The following SPTA1 variants were observed in gnomAD, a reference collection of about 807,000 sequenced individuals.
SPTA1 encodes spectrin alpha chain, erythrocytic 1.
Under a neutral mutation model 324.7 loss-of-function variants are expected in SPTA1, and 177 were observed. The observed-to-expected ratio is 0.55, with a 90% CI of 0.48 to 0.62. The LOEUF is 0.62. Among genes scored for constraint, SPTA1 ranks in the 20% least tolerant of loss-of-function variants. The probability of loss-of-function intolerance (pLI) is 0.00; values close to 1 mark genes in which losing one functional copy is unlikely to be tolerated. For missense variants in SPTA1, 3,162 were observed against 2,883.6 expected (o/e 1.10, Z -2.21); for synonymous variants, 1,195 against 1,041.3 (o/e 1.15, Z -2.84).
chr1:158,611,081 T>C lies in SPTA1; in HGVS notation c.*183A>G. 1 of 813,056 alleles carries C rather than the reference T, an allele frequency of 1.2e-6. No individual in the cohort carries two copies. The highest frequency in any genetic ancestry group is 1.7e-5 in the African/African-American group (1 of 58,298). The allele number at this position is 813,056 out of a possible 1,614,324, so 50.4% of individuals were successfully genotyped here. ...CTATTAACCTTTCTATCTCCCACCC[T>C]TGAGATTTTTTAAGATCCTACAATA... is the stretch of plus-strand genomic sequence containing the variant. On this transcript the variant is annotated 3_prime_UTR_variant, in exon 52 of 52. Coordinates refer to ENST00000643759, the MANE Select transcript of SPTA1 (RefSeq NM_003126.4).
At chr1:158,651,735 G>T (rs1182172423) in intron 23 of SPTA1, among the ~76,000 whole-genome samples, 1 of 152,064 alleles carries the variant, frequency 6.6e-6, no homozygotes, top group Non-Finnish European at 1.5e-5. Context: ...ATCTCCCCTG[G>T]ATTAAATTAT....
In SPTA1 at chr1:158,620,452, G is replaced by T; in HGVS notation, c.6135C>A (p.Phe2045Leu). 1 of 1,612,800 alleles carries T rather than the reference G, an allele frequency of 6.2e-7. No homozygotes were observed. Among genetic ancestry groups the T allele is most frequent in the African/African-American group, 1.3e-5 (1 of 74,946 alleles). ...CTGAAGCCTTATGTGCAAATTCCACGAACAGGTCCTCAGCCTGCAGAGAGA... is the reference window on the plus strand; with the variant it reads ...CTGAAGCCTTATGTGCAAATTCCACTAACAGGTCCTCAGCCTGCAGAGAGA... ...QLPLQKAEDL[F>L]VEFAHKASAL... Residue 2045 changes from phenylalanine to leucine, a missense_variant, in exon 44 of 52, where the codon TTC becomes TTA. Phe to Leu is a conservative substitution (Grantham distance 22). Transcript: ENST00000643759.
chr1:158,613,658 C>G (rs1649384143), intron 50 of SPTA1, 63 bp downstream of exon 50: 1 of 1,607,046 alleles, frequency 6.2e-7, no homozygotes, highest in Non-Finnish European at 8.5e-7. Context: ...TCATTTTACT[C>G]TCTGTGCTTC....
Position 158,611,382 on chromosome 1 carries a change from G to C in SPTA1, c.7142C>G (p.Thr2381Ser), listed in dbSNP as rs575868219. 10 of 1,613,620 alleles carry C rather than the reference G, an allele frequency of 6.2e-6. No homozygotes were observed. Among genetic ancestry groups the C allele is most frequent in the Non-Finnish European group, 7.6e-6 (9 of 1,179,648 alleles). The change falls in exon 52 of 52, where the codon ACC (threonine) becomes AGC (serine). Residue 2381 changes from threonine to serine, a missense_variant. Thr to Ser is a moderately conservative substitution (Grantham distance 58). Transcript: ENST00000643759. Reference protein sequence around the residue: ...ITKEDMKQALTPEQVSFCATH... With the variant: ...ITKEDMKQALSPEQVSFCATH... ...GGCACAGAATGACACTTGCTCTGGG[G>C]TAAGGGCCTGAAAAGTATAAAAAGA...
Position 158,656,753 on chromosome 1 carries a change from T to C in SPTA1, c.2806-97A>G. On this transcript the variant is annotated intron_variant, in intron 19 of 51. Transcript: ENST00000643759. ...GGGTTATGCTATTTGTCTTAAATCCTGGTAAAAGCTGCTTTCCATCTATCA... is the reference window on the plus strand; with the variant it reads ...GGGTTATGCTATTTGTCTTAAATCCCGGTAAAAGCTGCTTTCCATCTATCA... 3 of 1,120,260 alleles carry C rather than the reference T, an allele frequency of 2.7e-6. No homozygotes were observed. The South Asian group carries it at 3.8e-5, about 14-fold the overall frequency. The allele number at this position is 1,120,260 out of a possible 1,614,324, so 69.4% of individuals were successfully genotyped here.
rs961309451 is a variant in SPTA1 at position 158,619,100 on chromosome 1, G to T, written c.6530+122C>A. 5.2e-6 allele frequency: 5 copies of T among 955,540 alleles called. No individual in the cohort carries two copies. The African/African-American group carries it at 8.0e-5, about 15-fold the overall frequency. 59.2% of individuals were successfully genotyped at this position (955,540 alleles called of 1,614,324 possible). On this transcript the variant is annotated intron_variant, in intron 45 of 51. Coordinates refer to ENST00000643759, the MANE Select transcript of SPTA1 (RefSeq NM_003126.4). ...CAAATATAAAGCATAGGCAAGATATGGGGATTTTAGGGCAGAATACATGCT... is the reference window on the plus strand; with the variant it reads ...CAAATATAAAGCATAGGCAAGATATTGGGATTTTAGGGCAGAATACATGCT...
intron 50 of SPTA1, among the ~76,000 whole-genome samples, chr1:158,613,477 A>G (rs936015561): frequency 6.6e-6 from 1 of 152,184 alleles, no homozygotes; most frequent in African/African-American, 2.4e-5. Context: ...GCTGAAATTC[A>G]TAGATTGAAC....
intron 33 of SPTA1, 57 bp downstream of exon 33, chr1:158,642,354 G>A (rs982366566): frequency 4.5e-6 from 7 of 1,563,464 alleles, no homozygotes; most frequent in Admixed American, 1.8e-5. Flanking sequence ...AAAAAAGAAA[G>A]AGTAAATGAT....
At chr1:158,680,830 G>A (rs1042405904) in intron 4 of SPTA1, 101 bp from the exon 5 acceptor site, 8 of 1,471,844 alleles carry the variant, frequency 5.4e-6, no homozygotes, top group African/African-American at 4.2e-5. Context: ...TAACTCAAAT[G>A]GAGATACTGG....
intron 42 of SPTA1, among the ~76,000 whole-genome samples, chr1:158,625,601 A>G (rs1247432523): frequency 6.6e-6 from 1 of 151,934 alleles, no homozygotes; most frequent in Non-Finnish European, 1.5e-5. Context: ...AAAGTCCCAA[A>G]TATTTGAAAT....
At chr1:158,666,629 C>G (rs1427477908) in intron 15 of SPTA1, 132 bp from the exon 16 acceptor site, 1 of 814,014 alleles carries the variant, frequency 1.2e-6, no homozygotes, top group Non-Finnish European at 2.0e-6. Flanking sequence ...AACTGTCTCA[C>G]ATGTCTCACA....
intron 47 of SPTA1, among the ~76,000 whole-genome samples, chr1:158,616,128 A>ATAATAGATG (rs1649542763): frequency 6.6e-6 from 1 of 152,224 alleles, no homozygotes; most frequent in Admixed American, 6.5e-5. Flanking sequence ...TCATTTATAT[A>ATAATAGATG]TAATAGATGT....
rs116406966 is a variant in SPTA1, at chr1:158,634,779, A to G, written c.5433-104T>C. The G allele has an allele frequency of 1.8e-3, 2,429 of 1,377,084 alleles. 33 individuals carry two copies. In the African/African-American group the frequency reaches 0.031, roughly 17 times the overall value. The allele number at this position is 1,377,084 out of a possible 1,614,324, so 85.3% of individuals were successfully genotyped here. On this transcript the variant is annotated intron_variant, in intron 38 of 51. Coordinates refer to ENST00000643759, the MANE Select transcript of SPTA1 (RefSeq NM_003126.4). Reference sequence around the variant, plus strand: ...CATTCAGGCAGACCAGCTTATTCTCACAAGGCAGCCACAGTTGAAGTGGGC... The same window carrying G: ...CATTCAGGCAGACCAGCTTATTCTCGCAAGGCAGCCACAGTTGAAGTGGGC...
Position 158,642,812 on chromosome 1 carries a change from G to A in SPTA1, c.4605+2C>T. 1 of 1,613,808 alleles carries A rather than the reference G, an allele frequency of 6.2e-7. No individual in the cohort carries two copies. Among genetic ancestry groups the A allele is most frequent in the Non-Finnish European group, 8.5e-7 (1 of 1,179,826 alleles). ...TTTCCAAGATTCCTATTTTGAACTT[G>A]CCTGAATGTTAGTGGCGTCTTTGTA... On this transcript the variant is annotated splice_donor_variant, in intron 32 of 51. Coordinates refer to ENST00000643759, the MANE Select transcript of SPTA1 (RefSeq NM_003126.4). LOFTEE classifies it low-confidence loss of function (GC_TO_GT_DONOR).
chr1:158,663,299 C>A lies in SPTA1; in HGVS notation c.2221-354G>T, dbSNP rs183729894. Among the ~76,000 whole-genome samples, 183 of 152,312 alleles carry A rather than the reference C, an allele frequency of 1.2e-3. 1 individual carries two copies. Among genetic ancestry groups the A allele is most frequent in the African/African-American group, 4.1e-3 (170 of 41,570 alleles). Reference sequence around the variant, plus strand: ...CTGGAAGTGTTTTTCTATCTCAGTTCACCTTCTGTATTCTTTCTCTCTCTT... The same window carrying A: ...CTGGAAGTGTTTTTCTATCTCAGTTAACCTTCTGTATTCTTTCTCTCTCTT... On this transcript the variant is annotated intron_variant, in intron 16 of 51. Coordinates refer to ENST00000643759, the MANE Select transcript of SPTA1 (RefSeq NM_003126.4).
At position 158,661,279 on chromosome 1, in the gene SPTA1, A is replaced by G. The variant is rs1262041440; in HGVS notation, c.2587+8T>C. The stretch of plus-strand genomic sequence containing the variant: ...TGTTTTGTCCAACTGAATCTCAATC[A>G]TACATACCTTCCTCTACCATTTTGT... On this transcript the variant is annotated splice_region_variant and intron_variant, in intron 18 of 51. Coordinates refer to ENST00000643759, the MANE Select transcript of SPTA1 (RefSeq NM_003126.4). The G allele has an allele frequency of 6.2e-7, 1 of 1,613,868 alleles. No individual in the cohort carries two copies. The highest frequency in any genetic ancestry group is 1.1e-5 in the South Asian group (1 of 91,080).
chr1:158,657,739 T>C, intron 18 of SPTA1, 45 bp from the exon 19 acceptor site: 3 of 1,567,260 alleles, frequency 1.9e-6, no homozygotes, highest in Non-Finnish European at 1.8e-6. Flanking sequence ...CTCATGAGTG[T>C]TTACCATACT....
At chr1:158,656,416 A>T in intron 20 of SPTA1, 148 bp downstream of exon 20, 1 of 739,946 alleles carries the variant, frequency 1.4e-6, no homozygotes, top group Non-Finnish European at 2.4e-6. Context: ...TGTGGATGCT[A>T]CAGTTCCTGC....
At chr1:158,669,006 T>C (rs1263470059) in intron 14 of SPTA1, among the ~76,000 whole-genome samples, 2 of 152,198 alleles carry the variant, frequency 1.3e-5, no homozygotes, top group African/African-American at 2.4e-5. Context: ...TACTTTTGAG[T>C]TCCTAGTAGT....
Sources: allele counts gnomAD v4.1 joint callset (sites outside exome capture counted in the v4.1 genomes callset), GRCh38; gene constraint gnomAD v4.1.1; transcripts MANE v1.5; gene names NCBI Gene and HGNC (gene_info 2026-07-23, HGNC 2026-07-21).